ELOVL2: variants seen among roughly 807,000 people sequenced by gnomAD.
ELOVL2 encodes very long chain fatty acid elongase 2.
In ELOVL2, 38 loss-of-function variants were observed where a neutral mutation model predicts 37.7. The ratio of observed to expected loss-of-function variants is 1.01; its 90% CI spans 0.78 to 1.32. The LOEUF is 1.32. ELOVL2 is among the 40% of genes most tolerant of loss of function. The pLI, the probability that ELOVL2 is intolerant of heterozygous loss-of-function variation, is 0.00. For synonymous variants in ELOVL2, 115 were observed against 122.3 expected (o/e 0.94, Z 0.40); for missense variants, 352 against 363.6 (o/e 0.97, Z 0.26).
chr6:11,010,976 C>T (rs1403217376), intron 1 of ELOVL2, among the ~76,000 whole-genome samples, 167 bp from the exon 2 acceptor site: 2 of 152,194 alleles, frequency 1.3e-5, no homozygotes, highest in East Asian at 1.9e-4. Context: ...AATGCATCCT[C>T]ACCTTTCACA....
chr6:11,038,493 T>A (rs1283999759), intron 1 of ELOVL2, among the ~76,000 whole-genome samples: 1 of 151,632 alleles, frequency 6.6e-6, no homozygotes, highest in Non-Finnish European at 1.5e-5. Context: ...AATAAATAAA[T>A]AAATAAATAA....
rs760574984 is a variant in ELOVL2 at position 11,005,553 on chromosome 6, C to T, written c.74G>A (p.Arg25Gln). 8.7e-6 allele frequency: 14 copies of T among 1,611,748 alleles called. No homozygotes were observed. Among genetic ancestry groups the T allele is most frequent in the East Asian group, 6.7e-5 (3 of 44,804 alleles). The part of the protein sequence containing the change: ...LDNMFGPRDS[R>Q]VRGWFMLDSY... ...GTCCAACATGAACCACCCTCTGACT[C>T]GAGAATCTGAAAAGAAACACATACA... The change falls in exon 3 of 8, where the codon CGA becomes CAA. Residue 25 changes from arginine (R) to glutamine (Q), a missense_variant. Arg to Gln is a conservative substitution (Grantham distance 43). Coordinates refer to ENST00000354666, the MANE Select transcript of ELOVL2 (RefSeq NM_017770.4).
chr6:11,018,521 A>C (rs575194088), intron 1 of ELOVL2, among the ~76,000 whole-genome samples: 1 of 152,376 alleles, frequency 6.6e-6, no homozygotes, highest in Admixed American at 6.5e-5. Context: ...TTGAGGGTTC[A>C]GAATTTTTCA....
At chr6:11,006,065 A>G (rs764017857) in intron 2 of ELOVL2, among the ~76,000 whole-genome samples, 11 of 152,230 alleles carry the variant, frequency 7.2e-5, no homozygotes, top group Admixed American at 1.3e-4. Context: ...GAAAGAAGGC[A>G]TATCGATACT....
intron 7 of ELOVL2, among the ~76,000 whole-genome samples, chr6:10,987,802 C>T (rs1273320963): frequency 1.3e-5 from 2 of 151,922 alleles, no homozygotes; most frequent in African/African-American, 4.8e-5. Context: ...TTTTAAAATA[C>T]CAATACCTGG....
chr6:11,033,108 C>T (rs1331211852), intron 1 of ELOVL2, among the ~76,000 whole-genome samples: 2 of 152,112 alleles, frequency 1.3e-5, no homozygotes, highest in African/African-American at 4.8e-5. Flanking sequence ...CTATTTACTG[C>T]CCCTAAATGT....
chr6:11,027,979 TTA>T (rs1455677023), intron 1 of ELOVL2, among the ~76,000 whole-genome samples: 43 of 152,328 alleles, frequency 2.8e-4, no homozygotes, highest in African/African-American at 9.9e-4. Context: ...CGTAGAACTA[TTA>T]TCTTTCTTAC....
At chr6:11,040,589 C>T (rs1350469977) in intron 1 of ELOVL2, among the ~76,000 whole-genome samples, 2 of 152,130 alleles carry the variant, frequency 1.3e-5, no homozygotes, top group African/African-American at 4.8e-5. Flanking sequence ...CTGAAAATTA[C>T]ATATGCGATT....
intron 7 of ELOVL2, among the ~76,000 whole-genome samples, chr6:10,986,970 A>C (rs1782063747): frequency 6.6e-6 from 1 of 152,160 alleles, no homozygotes. Flanking sequence ...CTGTGAATCC[A>C]TCTGGTCCTG....
intron 7 of ELOVL2, among the ~76,000 whole-genome samples, chr6:10,985,090 G>T (rs1220822190): frequency 8.5e-5 from 13 of 152,098 alleles, no homozygotes; most frequent in African/African-American, 3.1e-4. Context: ...ATTGTGGTTT[G>T]GATTTGTATT....
At chr6:11,040,222 C>T (rs1783078756) in intron 1 of ELOVL2, among the ~76,000 whole-genome samples, 1 of 152,056 alleles carries the variant, frequency 6.6e-6, no homozygotes, top group Non-Finnish European at 1.5e-5. Flanking sequence ...AGATGAGTAG[C>T]TTTCTTTTTG....
intron 4 of ELOVL2, among the ~76,000 whole-genome samples, chr6:10,999,173 A>G (rs917835514): frequency 1.3e-5 from 2 of 152,214 alleles, no homozygotes; most frequent in African/African-American, 4.8e-5. Flanking sequence ...TATGTCACCA[A>G]CTTAATATAT....
chr6:11,019,844 A>G (rs1367979223), intron 1 of ELOVL2, among the ~76,000 whole-genome samples: 1 of 150,686 alleles, frequency 6.6e-6, no homozygotes, highest in East Asian at 1.9e-4. Flanking sequence ...CCTGCATTCA[A>G]GTGATTCTCC....
At chr6:11,039,376 C>T (rs1324707224) in intron 1 of ELOVL2, among the ~76,000 whole-genome samples, 4 of 152,152 alleles carry the variant, frequency 2.6e-5, no homozygotes, top group Non-Finnish European at 5.9e-5. Flanking sequence ...CATCAAGTTT[C>T]ATTGCTATTG....
At chr6:11,004,772 C>G (rs1782450512) in intron 3 of ELOVL2, among the ~76,000 whole-genome samples, 1 of 152,124 alleles carries the variant, frequency 6.6e-6, no homozygotes, top group African/African-American at 2.4e-5. Flanking sequence ...CCTCAGTATC[C>G]TAATCTGTAA....
intron 7 of ELOVL2, among the ~76,000 whole-genome samples, chr6:10,986,886 CTCTT>C (rs1233672961): frequency 6.6e-6 from 1 of 152,156 alleles, no homozygotes; most frequent in African/African-American, 2.4e-5. Flanking sequence ...GGAGGATTCC[CTCTT>C]TTTCTGTTGA....
chr6:10,990,296 G>A, intron 6 of ELOVL2, 22 bp downstream of exon 6: 1 of 1,606,072 alleles, frequency 6.2e-7, no homozygotes, highest in Non-Finnish European at 8.5e-7. Flanking sequence ...ATGGAGAAAA[G>A]CTAAAAGAAG....
intron 6 of ELOVL2, 148 bp from the exon 7 acceptor site, chr6:10,989,985 TC>T: frequency 1.1e-6 from 1 of 900,048 alleles, no homozygotes; most frequent in Non-Finnish European, 1.6e-6. Flanking sequence ...AGCCCCCTCA[TC>T]CAGAAATCTT....
chr6:11,002,471 AAAGAAGACCTTT>A (rs1782404139), intron 3 of ELOVL2, among the ~76,000 whole-genome samples: 1 of 152,234 alleles, frequency 6.6e-6, no homozygotes, highest in African/African-American at 2.4e-5. Context: ...CCAGAGTGTC[AAAGAAGACCTTT>A]TGCCTGCTCT....
Sources: gnomAD v4.1 joint callset for allele counts (sites outside exome capture counted in the v4.1 genomes callset) on GRCh38, gnomAD v4.1.1 for gene constraint, MANE v1.5 for transcripts, NCBI Gene and HGNC (gene_info 2026-07-23, HGNC 2026-07-21) for gene names.